DAB1: variants seen among roughly 807,000 people sequenced by gnomAD.
DAB1 encodes DAB adaptor protein 1.
A neutral mutation model predicts 64.6 loss-of-function variants in DAB1; 15 were observed. That is an observed-to-expected ratio of 0.23 (90% confidence interval 0.16 to 0.36). DAB1 has a LOEUF of 0.36. DAB1 is among the 10% of genes least tolerant of loss of function. The pLI is 1.00. For missense variants in DAB1, 596 were observed against 706.7 expected, an observed-to-expected ratio of 0.84 and a Z score of 1.78; for synonymous variants, 235 against 251.9, an observed-to-expected ratio of 0.93 and a Z score of 0.64.
At chr1:58,426,225 C>T (rs930177361) in intron 3 of DAB1, among the ~76,000 whole-genome samples, 2 of 152,250 alleles carry the variant, frequency 1.3e-5, no homozygotes, top group Non-Finnish European at 1.5e-5. Context: ...TGGACTCAGA[C>T]AGTTTCTTGA....
chr1:58,376,272 G>C lies in DAB1; in HGVS notation n.258-32869C>G, dbSNP rs541073535. On this transcript the variant is annotated intron_variant and non_coding_transcript_variant, in intron 3 of 20. Coordinates refer to the DAB1 transcript ENST00000485760. ...TCTAGTTCTTTTAATTGTGATGTTA[G>C]GGTGTCAATTTTGGATCTTTCCTGC... 2.7e-3 allele frequency among the ~76,000 whole-genome samples: 386 copies of C among 140,634 alleles called. 6 individuals are homozygous for C. The highest frequency in any genetic ancestry group is 0.013 in the South Asian group (57 of 4,286). The allele number at this position is 140,634 out of a possible 152,430, so 92.3% of individuals were successfully genotyped here. A position where few individuals can be genotyped will look rare whatever the true frequency, so the allele number is the denominator to read the frequency against.
chr1:57,945,592 A>G (rs1645173731), intron 5 of DAB1, among the ~76,000 whole-genome samples: 1 of 152,098 alleles, frequency 6.6e-6, no homozygotes, highest in Admixed American at 6.6e-5. Context: ...TTTTATTATT[A>G]ATAGCAGTTC....
At chr1:57,573,987 C>T (rs1007526689) in intron 7 of DAB1, among the ~76,000 whole-genome samples, 5 of 151,970 alleles carry the variant, frequency 3.3e-5, no homozygotes, top group East Asian at 1.9e-4. Context: ...CTGTGGGACA[C>T]CCTGAGTATT....
chr1:58,069,468 G>A (rs11207166), intron 5 of DAB1, among the ~76,000 whole-genome samples: 2 of 152,006 alleles, frequency 1.3e-5, no homozygotes, highest in Non-Finnish European at 1.5e-5. Flanking sequence ...ACTTTACGGC[G>A]TACCAAGAAT....
At chr1:57,502,268 CG>C (rs1458264165) in intron 7 of DAB1, among the ~76,000 whole-genome samples, 16 of 136,718 alleles carry the variant, frequency 1.2e-4, no homozygotes, top group Admixed American at 1.1e-3. Context: ...TGTAGTGAGC[CG>C]AGATTGGCCA....
chr1:57,010,874 G>T, intron 13 of DAB1, 84 bp from the exon 14 acceptor site: 1 of 1,071,074 alleles, frequency 9.3e-7, no homozygotes, highest in African/African-American at 1.6e-5. Flanking sequence ...CTTTCATGCA[G>T]CACAATCAGT....
intron 2 of DAB1, among the ~76,000 whole-genome samples, chr1:57,285,977 A>G (rs1249427977): frequency 6.6e-6 from 1 of 152,336 alleles, no homozygotes; most frequent in East Asian, 1.9e-4. Flanking sequence ...CAGGTCTTCC[A>G]TCAAATTCCA....
At chr1:57,169,602 C>T (rs572312859) in intron 2 of DAB1, among the ~76,000 whole-genome samples, 2 of 152,302 alleles carry the variant, frequency 1.3e-5, no homozygotes, top group South Asian at 2.1e-4. Context: ...TTCCTCATAA[C>T]ATCCAATTGT....
chr1:58,229,898 G>A (rs1659696124), intron 4 of DAB1, among the ~76,000 whole-genome samples: 1 of 152,154 alleles, frequency 6.6e-6, no homozygotes, highest in Non-Finnish European at 1.5e-5. Flanking sequence ...CTTCACAAGG[G>A]TCAGTAACTG....
intron 1 of DAB1, chr1:57,860,732 C>T (rs904232495): frequency 1.3e-5 from 2 of 152,172 alleles, no homozygotes; most frequent in African/African-American, 4.8e-5. Context: ...ATATTGTGGG[C>T]TGGATGGACA....
chr1:57,098,693 A>G (rs1395915540), intron 4 of DAB1, among the ~76,000 whole-genome samples: 1 of 152,208 alleles, frequency 6.6e-6, no homozygotes, highest in Non-Finnish European at 1.5e-5. Flanking sequence ...TTAGGGATTA[A>G]TTCTACCGGA....
intron 9 of DAB1, among the ~76,000 whole-genome samples, chr1:57,032,244 C>A (rs1015291204): frequency 2.0e-5 from 3 of 152,088 alleles, no homozygotes; most frequent in East Asian, 1.9e-4. Flanking sequence ...GTTCTGTGAC[C>A]CTTCAGTGGG....
At chr1:58,006,028 G>C (rs938908857) in intron 5 of DAB1, among the ~76,000 whole-genome samples, 2 of 152,084 alleles carry the variant, frequency 1.3e-5, no homozygotes, top group African/African-American at 4.8e-5. Flanking sequence ...CACAGCAGTG[G>C]CAAAATAGCA....
At chr1:57,044,743 T>C (rs1017146919) in intron 9 of DAB1, among the ~76,000 whole-genome samples, 4 of 152,250 alleles carry the variant, frequency 2.6e-5, no homozygotes, top group Non-Finnish European at 5.9e-5. Context: ...GGATCATTAT[T>C]TCTTGTTTTG....
At chr1:57,682,915 A>C (rs1646653266) in intron 6 of DAB1, among the ~76,000 whole-genome samples, 1 of 152,154 alleles carries the variant, frequency 6.6e-6, no homozygotes, top group South Asian at 2.1e-4. Context: ...AGCCCCTCCC[A>C]GGGCCCTGTC....
intron 6 of DAB1, among the ~76,000 whole-genome samples, chr1:57,666,502 G>T (rs949948307): frequency 1.3e-5 from 2 of 152,044 alleles, no homozygotes; most frequent in African/African-American, 4.8e-5. Flanking sequence ...GTGGGTCAGT[G>T]GTACTTAGAA....
chr1:57,161,791 C>G (rs1168864194), intron 2 of DAB1, among the ~76,000 whole-genome samples: 1 of 150,702 alleles, frequency 6.6e-6, no homozygotes, highest in Non-Finnish European at 1.5e-5. Context: ...TGGTTGCATT[C>G]AAGTGTATAC....
Position 58,125,382 on chromosome 1 carries a change from C to T in DAB1, n.387+25129G>A, listed in dbSNP as rs566584099. ...ATTTAAGAAATCTCTGAGTAGAGTA[C>T]AATCATAGTGCTAATACTACTACTA... On this transcript the variant is annotated intron_variant and non_coding_transcript_variant, in intron 5 of 20. Coordinates refer to the DAB1 transcript ENST00000485760. Among the ~76,000 whole-genome samples the T allele has an allele frequency of 4.6e-4, 69 of 151,510 alleles. 2 individuals are homozygous for T. The South Asian group carries it at 7.5e-3, about 17-fold the overall frequency.
chr1:57,200,413 T>C (rs753000032), intron 2 of DAB1, among the ~76,000 whole-genome samples: 3 of 152,208 alleles, frequency 2.0e-5, no homozygotes, highest in African/African-American at 4.8e-5. Context: ...CAAGCAATGA[T>C]TAAGTTCACA....
Sources: gnomAD v4.1 joint callset for allele counts (sites outside exome capture counted in the v4.1 genomes callset) on GRCh38, gnomAD v4.1.1 for gene constraint, MANE v1.5 for transcripts, NCBI Gene and HGNC (gene_info 2026-07-23, HGNC 2026-07-21) for gene names.